ZBBX: variants seen among roughly 807,000 people sequenced by gnomAD.
ZBBX encodes zinc finger B-box domain-containing protein 1.
Under a neutral mutation model 108.5 loss-of-function variants are expected in ZBBX, and 101 were observed. The observed-to-expected ratio is 0.93, with a 90% CI of 0.79 to 1.10. ZBBX has a LOEUF of 1.10. Ranked by LOEUF, ZBBX falls within the 50% of genes least tolerant of loss-of-function variation. The pLI, the probability that ZBBX is intolerant of heterozygous loss-of-function variation, is 0.00. For missense variants in ZBBX, 1,009 were observed against 941.4 expected (o/e 1.07, Z -0.94); for synonymous variants, 356 against 323.4 (o/e 1.10, Z -1.08).
At chr3:167,275,348 T>C (rs1727334047) in intron 20 of ZBBX, among the ~76,000 whole-genome samples, 2 of 152,318 alleles carry the variant, frequency 1.3e-5, no homozygotes, top group East Asian at 1.9e-4. Context: ...GGGTGATTTC[T>C]GCATTTCCAT....
At chr3:167,334,309 G>A (rs1443154666) in intron 9 of ZBBX, among the ~76,000 whole-genome samples, 2 of 152,002 alleles carry the variant, frequency 1.3e-5, no homozygotes, top group Non-Finnish European at 2.9e-5. Context: ...GTGGTGGCTC[G>A]CTCCTGTAAT....
intron 18 of ZBBX, among the ~76,000 whole-genome samples, chr3:167,292,747 C>A (rs970326182): frequency 6.6e-6 from 1 of 151,840 alleles, no homozygotes; most frequent in African/African-American, 2.4e-5. Context: ...CTTCAAAAAA[C>A]CAATGAATCC....
intron 9 of ZBBX, among the ~76,000 whole-genome samples, chr3:167,347,376 G>A (rs1239688407): frequency 1.3e-5 from 2 of 151,794 alleles, no homozygotes; most frequent in East Asian, 3.9e-4. Flanking sequence ...AAGCACCTAT[G>A]TATAAAAAAT....
rs749013205 is a variant in ZBBX, at chr3:167,242,503, A to G, written c.2393+2T>C. The G allele has an allele frequency of 1.3e-6, 2 of 1,597,088 alleles. No individual in the cohort carries two copies. The highest frequency in any genetic ancestry group is 1.4e-5 in the African/African-American group (1 of 74,064). Reference sequence around the variant, plus strand: ...AATAAATAAACTGCAGGCTTAACTTACCTCAATTCCTCAACTCCACAGGGA... The same window carrying G: ...AATAAATAAACTGCAGGCTTAACTTGCCTCAATTCCTCAACTCCACAGGGA... On this transcript the variant is annotated splice_donor_variant, in intron 21 of 21. Coordinates refer to ENST00000675490, the MANE Select transcript of ZBBX (RefSeq NM_001199201.2). LOFTEE classifies it high-confidence loss of function.
intron 20 of ZBBX, among the ~76,000 whole-genome samples, chr3:167,278,753 G>A (rs1195697455): frequency 1.3e-5 from 2 of 150,626 alleles, no homozygotes; most frequent in Non-Finnish European, 3.0e-5. Context: ...CATTTTATGA[G>A]GCCAGCATCA....
intron 9 of ZBBX, among the ~76,000 whole-genome samples, chr3:167,341,924 C>A (rs905740860): frequency 6.6e-6 from 1 of 151,504 alleles, no homozygotes; most frequent in Non-Finnish European, 1.5e-5. Context: ...TTAGATAATT[C>A]GTATCCCATA....
At chr3:167,390,117 A>G (rs923364571) in intron 1 of ZBBX, among the ~76,000 whole-genome samples, 7 of 152,084 alleles carry the variant, frequency 4.6e-5, no homozygotes, top group Admixed American at 3.3e-4. Context: ...TAAGTCTTTA[A>G]TCCATCTTGA....
chr3:167,345,922 A>G (rs1741369496), intron 9 of ZBBX, among the ~76,000 whole-genome samples: 1 of 151,888 alleles, frequency 6.6e-6, no homozygotes, highest in Non-Finnish European at 1.5e-5. Flanking sequence ...CAGTTAAGAA[A>G]ATTTCCATTC....
the ZBBX span, among the ~76,000 whole-genome samples, chr3:167,214,947 C>A: frequency 6.6e-6 from 1 of 151,944 alleles, no homozygotes; most frequent in Non-Finnish European, 1.5e-5. Flanking sequence ...ATAATGAGAA[C>A]AAAAATACAT....
At chr3:167,265,599 T>A (rs1372846204) in intron 20 of ZBBX, among the ~76,000 whole-genome samples, 1 of 152,316 alleles carries the variant, frequency 6.6e-6, no homozygotes, top group East Asian at 1.9e-4. Context: ...GGTGTCTCTC[T>A]AGGTCATGTG....
chr3:167,232,858 CT>C, the ZBBX span, among the ~76,000 whole-genome samples: 1 of 151,770 alleles, frequency 6.6e-6, no homozygotes, highest in Non-Finnish European at 1.5e-5. Context: ...TTGAAGAGGT[CT>C]GGTGAGAACA....
rs139538290 is a variant in ZBBX at position 167,317,013 on chromosome 3, G to A, written c.1186C>T (p.Leu396=). 50 of 1,593,278 alleles carry A rather than the reference G, an allele frequency of 3.1e-5. No individual in the cohort carries two copies. The East Asian group carries it at 9.7e-4, about 31-fold the overall frequency. ...RPEPSLKIVE[L]DDTYEEEFEE... ...TGCACTTATGCACTTACATCATCCAGTTCGACTATCTTTAGAGATGGTTCA... is the reference window on the plus strand; with the variant it reads ...TGCACTTATGCACTTACATCATCCAATTCGACTATCTTTAGAGATGGTTCA... The change falls in exon 14 of 22, where the codon CTG becomes TTG. Residue 396 remains leucine, a synonymous_variant. Coordinates refer to ENST00000675490, the MANE Select transcript of ZBBX (RefSeq NM_001199201.2).
At chr3:167,400,047 A>G (rs2108642472) in intron 1 of ZBBX, among the ~76,000 whole-genome samples, 1 of 152,298 alleles carries the variant, frequency 6.6e-6, no homozygotes, top group Middle Eastern at 3.4e-3. Flanking sequence ...TTCATTCTTT[A>G]TGGCCGCATA....
intron 16 of ZBBX, among the ~76,000 whole-genome samples, chr3:167,313,482 T>C (rs1320825355): frequency 1.3e-5 from 2 of 151,902 alleles, no homozygotes; most frequent in African/African-American, 4.8e-5. Flanking sequence ...AGGGTTTTGC[T>C]ATGTTGGCCA....
chr3:167,199,450 CCATAGAAATTAA>C, the ZBBX span, among the ~76,000 whole-genome samples: 1 of 152,236 alleles, frequency 6.6e-6, no homozygotes, highest in Admixed American at 6.5e-5. Context: ...ATATACAGGT[CCATAGAAATTAA>C]CATACATACG....
the ZBBX span, among the ~76,000 whole-genome samples, chr3:167,222,874 T>C: frequency 6.6e-6 from 1 of 151,912 alleles, no homozygotes; most frequent in African/African-American, 2.4e-5. Flanking sequence ...CAATGTTTTA[T>C]AGCACTGTAG....
the ZBBX span, among the ~76,000 whole-genome samples, chr3:167,228,018 C>T: frequency 4.5e-4 from 68 of 151,802 alleles, 1 homozygote; most frequent in Admixed American, 6.6e-4. Flanking sequence ...TATCTTAGGT[C>T]TAGATTCTGG....
chr3:167,268,571 G>GA (rs1725975042), intron 20 of ZBBX, among the ~76,000 whole-genome samples: 1 of 152,084 alleles, frequency 6.6e-6, no homozygotes, highest in Non-Finnish European at 1.5e-5. Flanking sequence ...ACAGGAAAAA[G>GA]ATGAGGGGCC....
intron 16 of ZBBX, among the ~76,000 whole-genome samples, chr3:167,313,511 G>C (rs894857386): frequency 5.9e-5 from 9 of 151,948 alleles, no homozygotes; most frequent in Non-Finnish European, 1.5e-5. Context: ...TCAAACTCCT[G>C]ACTTCAGGTG....
Sources: gnomAD v4.1 joint callset for allele counts (sites outside exome capture counted in the v4.1 genomes callset) on GRCh38, gnomAD v4.1.1 for gene constraint, MANE v1.5 for transcripts, NCBI Gene and HGNC (gene_info 2026-07-23, HGNC 2026-07-21) for gene names.